CRELD2: variants seen among roughly 807,000 people sequenced by gnomAD.
CRELD2 encodes CRELD disulfide isomerase 2, also known as protein disulfide isomerase CRELD2.
In CRELD2, 33 loss-of-function variants were observed where a neutral mutation model predicts 48.1. The observed-to-expected ratio is 0.69, with a 90% CI of 0.52 to 0.92. CRELD2 has a LOEUF of 0.92. Among genes scored for constraint, CRELD2 ranks in the 40% least tolerant of loss-of-function variants. The pLI is 0.00. For synonymous variants in CRELD2, 220 were observed against 203.9 expected, an observed-to-expected ratio of 1.08 and a Z score of -0.67; for missense variants, 477 against 482.4, an observed-to-expected ratio of 0.99 and a Z score of 0.10.
chr22:49,919,599 G>T (rs550301205), intron 2 of CRELD2, 131 bp from the exon 3 acceptor site: 4 of 675,796 alleles, frequency 5.9e-6, no homozygotes, highest in Non-Finnish European at 1.0e-5. Flanking sequence ...CCCTGACAGT[G>T]GGGTCCCCTT....
intron 6 of CRELD2, among the ~76,000 whole-genome samples, chr22:49,922,916 G>GGGCT (rs2060715371): frequency 2.6e-5 from 2 of 76,016 alleles, no homozygotes; most frequent in African/African-American, 9.9e-5. Flanking sequence ...GTGAGGTGTG[G>GGGCT]GGGCGTGAGG....
chr22:49,925,666 G>A lies in CRELD2; in HGVS notation c.1009+109G>A, dbSNP rs753522843. The A allele has an allele frequency of 3.2e-5, 50 of 1,551,742 alleles. No individual in the cohort carries two copies. In the Middle Eastern group the frequency reaches 1.7e-3, roughly 52 times the overall value. On this transcript the variant is annotated intron_variant, in intron 9 of 9. Coordinates refer to ENST00000328268, the MANE Select transcript of CRELD2 (RefSeq NM_024324.5). The stretch of plus-strand genomic sequence containing the variant: ...TCCACACAGATGGTGGCCTTGAGAT[G>A]GTGAGAGGGGGATTCCCGGAAGACA...
intron 4 of CRELD2, among the ~76,000 whole-genome samples, chr22:49,920,855 T>C (rs1252460726): frequency 6.6e-6 from 1 of 152,228 alleles, no homozygotes; most frequent in African/African-American, 2.4e-5. Flanking sequence ...CAGCCCCTGC[T>C]GCTGTCCCTG....
intron 5 of CRELD2, chr22:49,922,244 C>A (rs1209311957): frequency 1.2e-5 from 18 of 1,552,890 alleles, no homozygotes; most frequent in African/African-American, 5.5e-5. Flanking sequence ...GGCAGACAGA[C>A]CCGTGGATCG....
At chr22:49,920,073 G>T in intron 3 of CRELD2, 83 bp from the exon 4 acceptor site, 1 of 930,016 alleles carries the variant, frequency 1.1e-6, no homozygotes, top group South Asian at 1.4e-5. Context: ...CAATACTCCA[G>T]AGCATATGTT....
intron 2 of CRELD2, 46 bp downstream of exon 2, chr22:49,919,358 C>A (rs755019809): frequency 6.4e-7 from 1 of 1,570,350 alleles, no homozygotes; most frequent in South Asian, 1.1e-5. Context: ...TGGCGCTGTC[C>A]TGGGAAGTCG....
At chr22:49,925,107 G>A (rs1416633706) in intron 8 of CRELD2, 1 of 203,218 alleles carries the variant, frequency 4.9e-6, no homozygotes, top group African/African-American at 2.4e-5. Flanking sequence ...CTCCAGCCTG[G>A]GCGACAGAGC....
At chr22:49,925,622 C>T in intron 9 of CRELD2, 65 bp downstream of exon 9, 1 of 1,599,232 alleles carries the variant, frequency 6.3e-7, no homozygotes, top group Non-Finnish European at 8.5e-7. Flanking sequence ...TGCACGTAGA[C>T]TGGCTGCTTG....
At chr22:49,925,330 GTGAATGAATC>G in intron 8 of CRELD2, 77 bp from the exon 9 acceptor site, 1 of 899,448 alleles carries the variant, frequency 1.1e-6, no homozygotes. Context: ...CTTTCTTTAT[GTGAATGAATC>G]TGAATGAATG....
intron 4 of CRELD2, 45 bp downstream of exon 4, chr22:49,920,292 CTCT>C (rs781233113): frequency 1.0e-5 from 13 of 1,301,124 alleles, no homozygotes; most frequent in African/African-American, 2.9e-5. Flanking sequence ...GTCACTTCCC[CTCT>C]TCTTCTCATG....
chr22:49,922,949 A>G (rs56351880), intron 6 of CRELD2, among the ~76,000 whole-genome samples: 25,746 of 119,540 alleles, frequency 0.22, 5,436 homozygotes, highest in African/African-American at 0.45. Context: ...GTGTGGGGGC[A>G]CTCACTGTCT....
At chr22:49,926,268 A>G (rs1396708045) in intron 9 of CRELD2, 3 of 152,350 alleles carry the variant, frequency 2.0e-5, no homozygotes, top group Admixed American at 6.5e-5. Context: ...CAAGGTCACA[A>G]TCACAGGTAC....
intron 2 of CRELD2, 142 bp downstream of exon 2, chr22:49,919,454 C>T (rs2060653706): frequency 1.3e-6 from 1 of 766,570 alleles, no homozygotes; most frequent in Non-Finnish European, 2.2e-6. Flanking sequence ...ACCTCGGCTT[C>T]TCCCTGAGGA....
At position 49,927,317 on chromosome 22, in the gene CRELD2, C is replaced by G; in HGVS notation, c.*10C>G. 3 of 1,609,600 alleles carry G rather than the reference C, an allele frequency of 1.9e-6. No individual in the cohort carries two copies. In the South Asian group the frequency reaches 3.3e-5, roughly 18 times the overall value. On this transcript the variant is annotated 3_prime_UTR_variant, in exon 10 of 10. Coordinates refer to ENST00000328268, the MANE Select transcript of CRELD2 (RefSeq NM_024324.5). ...CCGCGAAGACCTGTAATGTGCCGGACTTACCCTTTAAATTATTCAGAAGGA... is the reference window on the plus strand; with the variant it reads ...CCGCGAAGACCTGTAATGTGCCGGAGTTACCCTTTAAATTATTCAGAAGGA...
At chr22:49,921,129 C>G (rs1034550041) in intron 4 of CRELD2, among the ~76,000 whole-genome samples, 1 of 152,258 alleles carries the variant, frequency 6.6e-6, no homozygotes, top group African/African-American at 2.4e-5. Context: ...CTGGCAGGCC[C>G]TGCTGCTCCC....
rs374692314 is a variant in CRELD2 at position 49,927,349 on chromosome 22, G to A, written c.*42G>A. The stretch of plus-strand genomic sequence containing the variant: ...TTTAAATTATTCAGAAGGATGTCCC[G>A]TGGAAAATGTGGCCCTGAGGATGCC... On this transcript the variant is annotated 3_prime_UTR_variant, in exon 10 of 10. Transcript: ENST00000328268. 2.9e-4 allele frequency: 450 copies of A among 1,555,128 alleles called. 2 individuals are homozygous for A. The highest frequency in any genetic ancestry group is 2.7e-4 in the Non-Finnish European group (304 of 1,127,768).
intron 7 of CRELD2, chr22:49,923,579 G>A (rs182799796): frequency 1.9e-5 from 11 of 581,854 alleles, no homozygotes; most frequent in East Asian, 6.1e-5. Flanking sequence ...CCCCCCCAGC[G>A]CCCCCGCAAC....
chr22:49,921,834 T>C (rs950490009), intron 5 of CRELD2, 73 bp downstream of exon 5: 1 of 1,482,774 alleles, frequency 6.7e-7, no homozygotes, highest in South Asian at 1.2e-5. Flanking sequence ...GCTGCCTGCC[T>C]AGATGGGAAC....
intron 6 of CRELD2, 46 bp from the exon 7 acceptor site, chr22:49,923,188 G>A (rs777140271): frequency 4.8e-6 from 7 of 1,471,308 alleles, no homozygotes; most frequent in African/African-American, 4.2e-5. Context: ...CCCGCTCCCT[G>A]GCCGGGCTGT....
Sources: allele counts gnomAD v4.1 joint callset (sites outside exome capture counted in the v4.1 genomes callset), GRCh38; gene constraint gnomAD v4.1.1; transcripts MANE v1.5; gene names NCBI Gene and HGNC (gene_info 2026-07-23, HGNC 2026-07-21).